The following PDE4D variants were observed in gnomAD, a reference collection of about 807,000 sequenced individuals.
PDE4D encodes the protein 3',5'-cyclic-AMP phosphodiesterase 4D.
A neutral mutation model predicts 87.4 loss-of-function variants in PDE4D; 24 were observed. The observed-to-expected ratio is 0.27, with a 90% CI of 0.20 to 0.39. The LOEUF (loss-of-function observed/expected upper bound fraction) is 0.39, where lower values mean the gene tolerates loss of function less well. PDE4D is among the 10% of genes least tolerant of loss of function. The pLI, the probability that PDE4D is intolerant of heterozygous loss-of-function variation, is 1.00. For missense variants in PDE4D, 714 were observed against 1,041.0 expected (o/e 0.69, Z 4.32); for synonymous variants, 384 against 383.2 (o/e 1.00, Z -0.02).
intron 1 of PDE4D, among the ~76,000 whole-genome samples, chr5:59,696,684 G>A (rs531995284): frequency 6.6e-6 from 1 of 152,270 alleles, no homozygotes; most frequent in South Asian, 2.1e-4. Flanking sequence ...AAAACTGCAG[G>A]AAAATACTGA....
intron 1 of PDE4D, among the ~76,000 whole-genome samples, chr5:60,468,106 C>G (rs1747504879): frequency 6.6e-6 from 1 of 151,140 alleles, no homozygotes; most frequent in Admixed American, 6.6e-5. Context: ...TTTTTCATCT[C>G]TAATACACAT....
At chr5:59,886,423 A>T (rs1305027598) in intron 1 of PDE4D, among the ~76,000 whole-genome samples, 1 of 152,142 alleles carries the variant, frequency 6.6e-6, no homozygotes. Flanking sequence ...AGGCTGAGGC[A>T]GGAGAATCGC....
At chr5:59,699,779 T>C (rs1752296514) in intron 1 of PDE4D, among the ~76,000 whole-genome samples, 1 of 151,412 alleles carries the variant, frequency 6.6e-6, no homozygotes, top group Non-Finnish European at 1.5e-5. Flanking sequence ...ACACCTCTTT[T>C]TCAACCTGTA....
intron 1 of PDE4D, among the ~76,000 whole-genome samples, chr5:60,389,969 G>A (rs1428903253): frequency 1.3e-5 from 2 of 152,154 alleles, no homozygotes; most frequent in African/African-American, 4.8e-5. Context: ...TCTTCCTTTG[G>A]TTTACTCCAT....
At chr5:59,946,040 AAAATGATGAACAGCTCAAC>A (rs1261711609) in intron 3 of PDE4D, among the ~76,000 whole-genome samples, 1 of 152,188 alleles carries the variant, frequency 6.6e-6, no homozygotes, top group Non-Finnish European at 1.5e-5. Context: ...TTTTCAAGTG[AAAATGATGAACAGCTCAAC>A]AGATCATAAT....
chr5:59,545,416 C>T (rs1032524310), intron 1 of PDE4D, among the ~76,000 whole-genome samples: 12 of 152,096 alleles, frequency 7.9e-5, no homozygotes, highest in African/African-American at 2.9e-4. Context: ...ATTAGTTTAC[C>T]CAGTTTCATT....
intron 1 of PDE4D, among the ~76,000 whole-genome samples, chr5:60,387,653 G>T (rs543020454): frequency 2.6e-5 from 4 of 152,262 alleles, no homozygotes; most frequent in African/African-American, 9.6e-5. Flanking sequence ...GCCCTTAAAG[G>T]TCTGGGCTTC....
At chr5:60,369,685 G>A (rs1307034017) in intron 1 of PDE4D, among the ~76,000 whole-genome samples, 3 of 152,132 alleles carry the variant, frequency 2.0e-5, no homozygotes, top group African/African-American at 7.2e-5. Context: ...TGTTTAATGA[G>A]ATTGAGGCTT....
intron 1 of PDE4D, among the ~76,000 whole-genome samples, chr5:60,429,315 G>A (rs1002282151): frequency 3.9e-5 from 6 of 152,112 alleles, no homozygotes; most frequent in African/African-American, 7.2e-5. Flanking sequence ...GGACATTATC[G>A]GTGTAGAGAA....
chr5:59,262,293 T>C (rs1451720681), intron 1 of PDE4D, among the ~76,000 whole-genome samples: 2 of 151,958 alleles, frequency 1.3e-5, no homozygotes, highest in African/African-American at 4.8e-5. Context: ...TTGTAACTAA[T>C]AGACCCACAG....
intron 3 of PDE4D, among the ~76,000 whole-genome samples, chr5:59,984,746 T>C (rs1483325493): frequency 6.6e-6 from 1 of 152,154 alleles, no homozygotes; most frequent in Non-Finnish European, 1.5e-5. Context: ...CTCAGGGCCA[T>C]ACTGTGGCTT....
chr5:60,199,248 G>C (rs1173652586), intron 1 of PDE4D, among the ~76,000 whole-genome samples: 1 of 151,662 alleles, frequency 6.6e-6, no homozygotes, highest in East Asian at 1.9e-4. Flanking sequence ...TATAGAGAAA[G>C]AACAAGTGGA....
intron 2 of PDE4D, among the ~76,000 whole-genome samples, chr5:59,203,504 T>G (rs1295767302): frequency 6.6e-6 from 1 of 151,826 alleles, no homozygotes; most frequent in East Asian, 1.9e-4. Flanking sequence ...CCAAAGAAAA[T>G]GAAATCAGTA....
At chr5:59,874,892 G>GTT (rs200370453) in intron 1 of PDE4D, among the ~76,000 whole-genome samples, 4,278 of 152,222 alleles carry the variant, frequency 0.028, 91 homozygotes, top group South Asian at 0.056. Flanking sequence ...AGTAAGCAAT[G>GTT]AGTCATTAAA....
At chr5:60,080,322 A>G (rs1773782962) in intron 2 of PDE4D, among the ~76,000 whole-genome samples, 1 of 152,154 alleles carries the variant, frequency 6.6e-6, no homozygotes, top group Admixed American at 6.5e-5. Flanking sequence ...CATGTTGTCT[A>G]CAAACAGAGA....
intron 2 of PDE4D, among the ~76,000 whole-genome samples, chr5:60,156,646 A>G (rs907776202): frequency 6.6e-5 from 10 of 152,274 alleles, no homozygotes; most frequent in South Asian, 4.1e-4. Flanking sequence ...CACTTGAAAA[A>G]TAAAAGTATA....
intron 1 of PDE4D, among the ~76,000 whole-genome samples, chr5:59,304,169 G>T (rs1770816750): frequency 1.3e-5 from 2 of 152,052 alleles, no homozygotes; most frequent in East Asian, 3.9e-4. Context: ...TGTAAAATGG[G>T]TTGAGTTCTT....
At chr5:60,303,435 T>A (rs966589542) in intron 1 of PDE4D, among the ~76,000 whole-genome samples, 3 of 150,924 alleles carry the variant, frequency 2.0e-5, no homozygotes, top group South Asian at 2.1e-4. Flanking sequence ...CAGCCTCCCG[T>A]GTAGCTGGGA....
At chr5:59,019,387 A>G (rs1307965837) in intron 6 of PDE4D, among the ~76,000 whole-genome samples, 1 of 152,180 alleles carries the variant, frequency 6.6e-6, no homozygotes, top group African/African-American at 2.4e-5. Context: ...TTTCTTCATA[A>G]TATTTTCCTT....
Sources: allele counts gnomAD v4.1 joint callset (sites outside exome capture counted in the v4.1 genomes callset), GRCh38; gene constraint gnomAD v4.1.1; transcripts MANE v1.5; gene names NCBI Gene and HGNC (gene_info 2026-07-23, HGNC 2026-07-21).